MAGI1: variants seen among roughly 807,000 people sequenced by gnomAD.
The protein encoded by MAGI1 is membrane-associated guanylate kinase, WW and PDZ domain-containing protein 1.
In MAGI1, 58 loss-of-function variants were observed where a neutral mutation model predicts 139.9. The ratio of observed to expected loss-of-function variants is 0.41; its 90% CI spans 0.34 to 0.52. The LOEUF is 0.52. Ranked by LOEUF, MAGI1 falls within the 20% of genes least tolerant of loss-of-function variation. MAGI1 has a pLI of 0.12. For synonymous variants in MAGI1, 812 were observed against 737.9 expected (o/e 1.10, Z -1.63); for missense variants, 1,874 against 1,901.6 (o/e 0.99, Z 0.27).
At chr3:65,546,660 G>A (rs1011996900) in intron 2 of MAGI1, among the ~76,000 whole-genome samples, 4 of 152,218 alleles carry the variant, frequency 2.6e-5, no homozygotes, top group Admixed American at 6.5e-5. Context: ...ATTTGCAACA[G>A]TTTAGCAAAT....
chr3:66,025,168 T>A (rs1317251608), intron 1 of MAGI1, among the ~76,000 whole-genome samples: 1 of 152,200 alleles, frequency 6.6e-6, no homozygotes, highest in Non-Finnish European at 1.5e-5. Context: ...GTAGAGCTTA[T>A]TATATTATAA....
chr3:65,946,707 G>A (rs1214223767), intron 1 of MAGI1, among the ~76,000 whole-genome samples: 1 of 152,050 alleles, frequency 6.6e-6, no homozygotes, highest in Non-Finnish European at 1.5e-5. Context: ...ATCTGGCAGC[G>A]CACCCACCAG....
chr3:65,735,447 C>T (rs972442121), intron 1 of MAGI1, among the ~76,000 whole-genome samples: 1 of 151,464 alleles, frequency 6.6e-6, no homozygotes, highest in Non-Finnish European at 1.5e-5. Flanking sequence ...GTGAGACCTA[C>T]ATAAGAACCA....
chr3:65,456,742 G>A (rs140854985), intron 5 of MAGI1, among the ~76,000 whole-genome samples: 182 of 152,174 alleles, frequency 1.2e-3, no homozygotes, highest in African/African-American at 4.1e-3. Flanking sequence ...GCCTCTGGTC[G>A]TCCACTTGCT....
intron 1 of MAGI1, among the ~76,000 whole-genome samples, chr3:65,712,455 G>GAA (rs759022188): frequency 8.0e-5 from 7 of 87,780 alleles, no homozygotes; most frequent in African/African-American, 1.6e-4. Flanking sequence ...CCCCAAGCAA[G>GAA]AAAAAAAAAA....
intron 1 of MAGI1, among the ~76,000 whole-genome samples, chr3:65,920,004 T>C (rs2062097045): frequency 6.6e-6 from 1 of 152,226 alleles, no homozygotes; most frequent in Non-Finnish European, 1.5e-5. Flanking sequence ...TCAGGTCCGA[T>C]GTTTAAATTC....
chr3:65,446,655 T>C (rs891383972), intron 7 of MAGI1, among the ~76,000 whole-genome samples: 2 of 152,206 alleles, frequency 1.3e-5, no homozygotes, highest in Non-Finnish European at 2.9e-5. Flanking sequence ...AACAAATGAT[T>C]AAGACACTCA....
At position 65,359,253 on chromosome 3, in the gene MAGI1, G is replaced by GA. The variant is rs201003824; in HGVS notation, c.3634+1945dup. The stretch of plus-strand genomic sequence containing the variant: ...TAGATTCCCTATAACACAGAGGAAA[G>GA]AAAAAAAATCTACATTTGTTAACAT... On this transcript the variant is annotated intron_variant, in intron 22 of 22. Transcript: ENST00000402939. 2,376 of 1,544,636 alleles carry GA rather than the reference G, an allele frequency of 1.5e-3. 3 individuals carry two copies. The highest frequency in any genetic ancestry group is 3.4e-3 in the East Asian group (152 of 44,214).
At chr3:65,755,179 C>T (rs4688245) in intron 1 of MAGI1, among the ~76,000 whole-genome samples, 37,986 of 151,972 alleles carry the variant, frequency 0.25, 5,406 homozygotes, top group East Asian at 0.57. Flanking sequence ...AACTGCTGAC[C>T]TCAGGTGATC....
At chr3:65,804,607 A>G (rs1373680303) in intron 1 of MAGI1, among the ~76,000 whole-genome samples, 1 of 150,960 alleles carries the variant, frequency 6.6e-6, no homozygotes, top group Non-Finnish European at 1.5e-5. Flanking sequence ...TTCTGTACAC[A>G]TCATGAACTA....
intron 2 of MAGI1, among the ~76,000 whole-genome samples, chr3:65,522,156 A>G (rs2078192852): frequency 6.6e-6 from 1 of 152,220 alleles, no homozygotes; most frequent in African/African-American, 2.4e-5. Context: ...ATAATGAGAT[A>G]TGAGTCAAAT....
rs2069046638 is a variant in MAGI1 at position 66,038,141 on chromosome 3, G to A, written c.168C>T (p.Pro56=). The A allele has an allele frequency of 3.7e-6, 6 of 1,611,934 alleles. No homozygotes were observed. In the South Asian group the frequency reaches 4.4e-5, roughly 12 times the overall value. ...CCAGCCTCGGGCCCTCGCCGCCGCC[G>A]GGAAGCCCCGCTGCCTCGACCGCCG... is the stretch of plus-strand genomic sequence containing the variant. ...AVAAVEAAGL[P]GGGEGPRLGE... The change falls in exon 1 of 23, where the codon CCC becomes CCT. Residue 56 remains proline (P), a synonymous_variant. Transcript: ENST00000402939.
intron 1 of MAGI1, among the ~76,000 whole-genome samples, chr3:65,926,623 T>C (rs1402474296): frequency 1.3e-5 from 2 of 152,156 alleles, no homozygotes; most frequent in African/African-American, 4.8e-5. Flanking sequence ...GAGTGACCTC[T>C]GGTTGTCCTC....
At chr3:65,638,147 G>C (rs2084751777) in intron 1 of MAGI1, among the ~76,000 whole-genome samples, 6 of 152,204 alleles carry the variant, frequency 3.9e-5, no homozygotes, top group Admixed American at 3.3e-4. Context: ...TAATCACTCT[G>C]GGTCTCCATT....
intron 13 of MAGI1, among the ~76,000 whole-genome samples, chr3:65,401,210 T>G (rs879910230): frequency 6.6e-6 from 1 of 152,190 alleles, no homozygotes; most frequent in Non-Finnish European, 1.5e-5. Context: ...TTCTTTATCC[T>G]GGCTCCTGCA....
intron 1 of MAGI1, among the ~76,000 whole-genome samples, chr3:65,786,627 T>C (rs1482128051): frequency 7.4e-6 from 1 of 134,344 alleles, no homozygotes; most frequent in Non-Finnish European, 1.7e-5. Flanking sequence ...TTTTTTTTTT[T>C]CTTAAACAGA....
At chr3:65,722,074 G>C (rs1223824088) in intron 1 of MAGI1, among the ~76,000 whole-genome samples, 1 of 152,074 alleles carries the variant, frequency 6.6e-6, no homozygotes, top group Non-Finnish European at 1.5e-5. Flanking sequence ...CTCAGGGTCA[G>C]TTGCTCTTTC....
chr3:65,966,046 A>AGT (rs1402003146), intron 1 of MAGI1, among the ~76,000 whole-genome samples: 1 of 152,164 alleles, frequency 6.6e-6, no homozygotes, highest in Non-Finnish European at 1.5e-5. Flanking sequence ...GACCAACTGG[A>AGT]GTGTGGTTTG....
intron 13 of MAGI1, among the ~76,000 whole-genome samples, chr3:65,392,396 T>C (rs953582296): frequency 5.9e-5 from 9 of 152,168 alleles, no homozygotes; most frequent in Non-Finnish European, 1.2e-4. Flanking sequence ...TCATATACCA[T>C]AGACACCATG....
Sources: allele counts gnomAD v4.1 joint callset (sites outside exome capture counted in the v4.1 genomes callset), GRCh38; gene constraint gnomAD v4.1.1; transcripts MANE v1.5; gene names NCBI Gene and HGNC (gene_info 2026-07-23, HGNC 2026-07-21).